Variants in SEZ6L observed in about 807,000 individuals in gnomAD.
SEZ6L encodes seizure 6-like protein.
In SEZ6L, 37 loss-of-function variants were observed where a neutral mutation model predicts 106.2. That is an observed-to-expected ratio of 0.35 (90% CI 0.27 to 0.46). SEZ6L has a LOEUF of 0.46. SEZ6L is among the 20% of genes least tolerant of loss of function. The pLI is 1.00. For synonymous variants in SEZ6L, 541 were observed against 570.4 expected, an observed-to-expected ratio of 0.95 and a Z score of 0.73; for missense variants, 1,172 against 1,332.8, an observed-to-expected ratio of 0.88 and a Z score of 1.88.
At chr22:26,253,711 C>T (rs1420832501) in intron 1 of SEZ6L, among the ~76,000 whole-genome samples, 1 of 151,962 alleles carries the variant, frequency 6.6e-6, no homozygotes, top group Non-Finnish European at 1.5e-5. Flanking sequence ...GCAATGTTGC[C>T]CCCAAAGGGA....
chr22:26,337,427 T>C (rs555872639), intron 9 of SEZ6L, among the ~76,000 whole-genome samples: 1 of 152,332 alleles, frequency 6.6e-6, no homozygotes, highest in African/African-American at 2.4e-5. Context: ...GCTTAAGGAA[T>C]ATATCTGCCA....
At chr22:26,259,741 T>C (rs964020421) in intron 1 of SEZ6L, among the ~76,000 whole-genome samples, 2 of 152,178 alleles carry the variant, frequency 1.3e-5, no homozygotes, top group African/African-American at 4.8e-5. Context: ...TGAAATGCCA[T>C]TGTGTTCTGG....
intron 1 of SEZ6L, among the ~76,000 whole-genome samples, chr22:26,186,761 G>A (rs902516321): frequency 7.2e-5 from 11 of 152,162 alleles, no homozygotes; most frequent in African/African-American, 2.7e-4. Context: ...AGAAGGTTCA[G>A]GAGCCTGATT....
At chr22:26,302,682 G>A (rs2081492951) in intron 5 of SEZ6L, among the ~76,000 whole-genome samples, 1 of 152,004 alleles carries the variant, frequency 6.6e-6, no homozygotes. Flanking sequence ...CAAACCATAG[G>A]GCAGTTGGTC....
Position 26,310,294 on chromosome 22 carries a change from G to A in SEZ6L, c.1515-376G>A, listed in dbSNP as rs142826038. On this transcript the variant is annotated intron_variant, in intron 6 of 16. Coordinates refer to ENST00000248933, the MANE Select transcript of SEZ6L (RefSeq NM_021115.5). ...CTCACGCCTGTAATCCCAGCACTTT[G>A]GGAGGCCAAGGCGGGTGGATCACCT... is the stretch of plus-strand genomic sequence containing the variant. 2.6e-4 allele frequency among the ~76,000 whole-genome samples: 40 copies of A among 152,316 alleles called. No individual in the cohort carries two copies. In the East Asian group the frequency reaches 6.8e-3, roughly 26 times the overall value.
intron 1 of SEZ6L, among the ~76,000 whole-genome samples, chr22:26,194,243 T>G (rs1025178831): frequency 6.6e-6 from 1 of 152,212 alleles, no homozygotes; most frequent in African/African-American, 2.4e-5. Context: ...ATGAAGATCT[T>G]TTTGAAGCCC....
chr22:26,234,761 G>A (rs2078907515), intron 1 of SEZ6L, among the ~76,000 whole-genome samples: 1 of 152,218 alleles, frequency 6.6e-6, no homozygotes, highest in African/African-American at 2.4e-5. Context: ...GGCAAATAGA[G>A]CACAGCCCCT....
rs1204189199 is a variant in SEZ6L, at chr22:26,376,507, C to A, written c.2942+818C>A. ...CTGTAATCCCAAGACTTTGGGAGGC[C>A]AACGCAGGTGAATCACTTGAGGTCA... On this transcript the variant is annotated intron_variant, in intron 15 of 16. Transcript: ENST00000248933. Among the ~76,000 whole-genome samples, 3 of 152,044 alleles carry A rather than the reference C, an allele frequency of 2.0e-5. No homozygotes were observed. The East Asian group carries it at 5.8e-4, about 29-fold the overall frequency.
chr22:26,170,189 A>G (rs1938490298), intron 1 of SEZ6L, among the ~76,000 whole-genome samples: 1 of 151,784 alleles, frequency 6.6e-6, no homozygotes, highest in African/African-American at 2.4e-5. Context: ...CCACCCTGCA[A>G]CTGAGGACTA....
At chr22:26,246,875 C>A (rs1359096082) in intron 1 of SEZ6L, among the ~76,000 whole-genome samples, 11 of 152,196 alleles carry the variant, frequency 7.2e-5, no homozygotes, top group African/African-American at 2.7e-4. Context: ...AATGCATTTC[C>A]TTATGGCACC....
rs1462397881 is a variant in SEZ6L, at chr22:26,383,085, T to C, written c.*2790T>C. The C allele has an allele frequency of 2.0e-5, 3 of 150,270 alleles. No individual in the cohort carries two copies. The highest frequency in any genetic ancestry group is 4.4e-5 in the Non-Finnish European group (3 of 67,834). The allele number at this position is 150,270 out of a possible 1,614,324, so 9.3% of individuals were successfully genotyped here. ...AGCTTTTTGCTTTTTTTTTTTTTTT[T>C]TTGTAGAATTATTTAGCTAACATAA... On this transcript the variant is annotated 3_prime_UTR_variant, in exon 17 of 17. Coordinates refer to ENST00000248933, the MANE Select transcript of SEZ6L (RefSeq NM_021115.5).
At chr22:26,259,258 G>A (rs79525156) in intron 1 of SEZ6L, among the ~76,000 whole-genome samples, 1 of 152,196 alleles carries the variant, frequency 6.6e-6, no homozygotes, top group African/African-American at 2.4e-5. Context: ...AGCACCAAGA[G>A]AGGTAGGATA....
intron 12 of SEZ6L, among the ~76,000 whole-genome samples, chr22:26,361,931 G>A (rs1173716502): frequency 6.6e-6 from 1 of 152,004 alleles, no homozygotes; most frequent in East Asian, 1.9e-4. Context: ...ACTTCCTCAG[G>A]ATATTTTCAG....
intron 1 of SEZ6L, among the ~76,000 whole-genome samples, chr22:26,264,890 CA>C: frequency 6.6e-6 from 1 of 152,288 alleles, no homozygotes; most frequent in South Asian, 2.1e-4. Flanking sequence ...AAGTGCTTAG[CA>C]AGCAGCAAAT....
chr22:26,219,747 T>G (rs1198639801), intron 1 of SEZ6L, among the ~76,000 whole-genome samples: 2 of 151,638 alleles, frequency 1.3e-5, no homozygotes, highest in East Asian at 1.9e-4. Flanking sequence ...GCGATGAAAA[T>G]AAAAAGAACA....
intron 12 of SEZ6L, among the ~76,000 whole-genome samples, chr22:26,362,703 T>C (rs2083675129): frequency 6.6e-6 from 1 of 152,178 alleles, no homozygotes; most frequent in African/African-American, 2.4e-5. Flanking sequence ...GAGCTATCTA[T>C]GGTGTCATCC....
rs1292470177 is a variant in SEZ6L, at chr22:26,169,702, C to T, written c.33C>T (p.Leu11=). The change falls in exon 1 of 17, where the codon CTC becomes CTT. Residue 11 remains leucine, a synonymous_variant. Transcript: ENST00000248933. MPAARPPAAG[L]RGISLFLALL... ...CGGCCCGGCCGCCCGCCGCGGGACT[C>T]CGCGGGATCTCGCTGTTCCTCGCTC... 1 of 1,313,908 alleles carries T rather than the reference C, an allele frequency of 7.6e-7. No homozygotes were observed. Among genetic ancestry groups the T allele is most frequent in the East Asian group, 3.1e-5 (1 of 32,272 alleles). The allele number at this position is 1,313,908 out of a possible 1,614,324, so 81.4% of individuals were successfully genotyped here.
chr22:26,169,659 C>CT lies in SEZ6L; in HGVS notation c.-10dup, dbSNP rs1285089412. 1.6e-6 allele frequency: 2 copies of CT among 1,217,766 alleles called. No homozygotes were observed. The highest frequency in any genetic ancestry group is 3.2e-5 in the African/African-American group (2 of 63,094). 75.4% of individuals were successfully genotyped at this position (1,217,766 alleles called of 1,614,324 possible). On this transcript the variant is annotated 5_prime_UTR_variant, in exon 1 of 17. Transcript: ENST00000248933. ...CCCACAGCCAGCGGCTCCGCGCCCC[C>CT]TGCAGCCACGATGCCCGCGGCCCGG...
At chr22:26,221,740 G>A (rs1003394188) in intron 1 of SEZ6L, among the ~76,000 whole-genome samples, 4 of 149,300 alleles carry the variant, frequency 2.7e-5, no homozygotes, top group East Asian at 2.0e-4. Context: ...GCACACGCGT[G>A]CACACACACA....
Sources: allele counts gnomAD v4.1 joint callset (sites outside exome capture counted in the v4.1 genomes callset), GRCh38; gene constraint gnomAD v4.1.1; transcripts MANE v1.5; gene names NCBI Gene and HGNC (gene_info 2026-07-23, HGNC 2026-07-21).